ZNF845: variants seen among roughly 807,000 people sequenced by gnomAD.
ZNF845 encodes zinc finger protein 845.
Under a neutral mutation model 76.1 loss-of-function variants are expected in ZNF845, and 59 were observed. The observed-to-expected ratio is 0.78, with a 90% CI of 0.63 to 0.96. The LOEUF (loss-of-function observed/expected upper bound fraction) is 0.96. ZNF845 is among the 40% of genes least tolerant of loss of function. The probability of loss-of-function intolerance (pLI) is 0.00; values close to 1 mark genes in which losing one functional copy is unlikely to be tolerated. For missense variants in ZNF845, 1,045 were observed against 1,172.8 expected (o/e 0.89, Z 1.59); for synonymous variants, 361 against 386.9 (o/e 0.93, Z 0.78).
Position 53,354,349 on chromosome 19 carries a change from A to T in ZNF845, c.*761A>T, listed in dbSNP as rs144243733. ...TTGAATTGACTTAACATTGAGTTCA[A>T]GCATTAATTGACATTAAAGTGTTTA... On this transcript the variant is annotated 3_prime_UTR_variant, in exon 4 of 4. Transcript: ENST00000458035. 959 of 359,860 alleles carry T rather than the reference A, an allele frequency of 2.7e-3. 7 individuals are homozygous for T. Among genetic ancestry groups the T allele is most frequent in the African/African-American group, 0.019 (887 of 45,566 alleles). The allele number at this position is 359,860 out of a possible 1,614,324, so 22.3% of individuals were successfully genotyped here.
intron 1 of ZNF845, among the ~76,000 whole-genome samples, chr19:53,334,905 T>A (rs2085202846): frequency 6.6e-6 from 1 of 152,164 alleles, no homozygotes; most frequent in Admixed American, 6.5e-5. Context: ...GCAGAGCCTG[T>A]CTCAAAAGAT....
chr19:53,350,844 G>A lies in ZNF845; in HGVS notation c.169G>A (p.Glu57Lys). 6.2e-7 allele frequency: 1 copy of A among 1,613,764 alleles called. No homozygotes were observed. The highest frequency in any genetic ancestry group is 8.5e-7 in the Non-Finnish European group (1 of 1,179,860). Residue 57 changes from glutamate to lysine, a missense_variant, in exon 4 of 4, where the codon GAG becomes AAG. Physicochemically the swap from Glu to Lys is moderately conservative, Grantham distance 56. Coordinates refer to ENST00000458035, the MANE Select transcript of ZNF845 (RefSeq NM_138374.3). ...TATCTCTTCCAAATGCATGATGAAGGAGTTCTCATCAACAGCACAAGGCAA... is the reference window on the plus strand; with the variant it reads ...TATCTCTTCCAAATGCATGATGAAGAAGTTCTCATCAACAGCACAAGGCAA... ...LDISSKCMMK[E>K]FSSTAQGNTE...
At chr19:53,338,100 A>G (rs1215303262) in intron 1 of ZNF845, among the ~76,000 whole-genome samples, 1 of 151,996 alleles carries the variant, frequency 6.6e-6, no homozygotes, top group Non-Finnish European at 1.5e-5. Flanking sequence ...TGCAGCACCT[A>G]CTCTGGGGTT....
At chr19:53,345,102 G>C (rs941098448) in intron 2 of ZNF845, among the ~76,000 whole-genome samples, 2 of 152,138 alleles carry the variant, frequency 1.3e-5, no homozygotes, top group African/African-American at 4.8e-5. Flanking sequence ...TGGATCACGA[G>C]GTCAGGAGTT....
chr19:53,341,331 A>T lies in ZNF845; in HGVS notation c.15+9A>T, dbSNP rs766974960. On this transcript the variant is annotated intron_variant, in intron 2 of 3. Coordinates refer to ENST00000458035, the MANE Select transcript of ZNF845 (RefSeq NM_138374.3). ...GGATGGCTCTTTCTCAGGTGAGATG[A>T]TATGTTGGGTGGATTGTTCTGTCTC... 8 of 1,613,736 alleles carry T rather than the reference A, an allele frequency of 5.0e-6. No individual in the cohort carries two copies. The East Asian group carries it at 1.8e-4, about 36-fold the overall frequency.
intron 1 of ZNF845, among the ~76,000 whole-genome samples, chr19:53,339,726 G>A (rs2085242961): frequency 6.6e-6 from 1 of 152,178 alleles, no homozygotes; most frequent in Non-Finnish European, 1.5e-5. Context: ...CCCCAGAGGG[G>A]ACATACTAGT....
Position 53,352,529 on chromosome 19 carries a change from T to C in ZNF845, c.1854T>C (p.His618=), listed in dbSNP as rs1427366811. Residue 618 remains histidine (H), a synonymous_variant, in exon 4 of 4, where the codon CAT becomes CAC. Coordinates refer to ENST00000458035, the MANE Select transcript of ZNF845 (RefSeq NM_138374.3). ...ATAGATGTGGCAAATTTTTCAGACA[T>C]CGTTCATACCTTGCAGTTCATTGGC... ...KCNRCGKFFR[H]RSYLAVHWRT... The C allele has an allele frequency of 2.6e-5, 41 of 1,606,854 alleles. No individual in the cohort carries two copies. Among genetic ancestry groups the C allele is most frequent in the Non-Finnish European group, 3.5e-5 (41 of 1,176,372 alleles).
intron 2 of ZNF845, among the ~76,000 whole-genome samples, chr19:53,342,082 C>T (rs1443894045): frequency 6.6e-6 from 1 of 151,396 alleles, no homozygotes; most frequent in Non-Finnish European, 1.5e-5. Flanking sequence ...GCCATATTCT[C>T]ATTCCACCTA....
intron 1 of ZNF845, chr19:53,337,036 A>G (rs2085220113): frequency 2.2e-6 from 1 of 451,900 alleles, no homozygotes; most frequent in Non-Finnish European, 4.4e-6. Context: ...TTGAAAGCCC[A>G]ACTCCTCACT....
chr19:53,349,915 A>C (rs1159929745), intron 3 of ZNF845, among the ~76,000 whole-genome samples: 1 of 151,982 alleles, frequency 6.6e-6, no homozygotes, highest in Non-Finnish European at 1.5e-5. Flanking sequence ...CATGCCTTTA[A>C]TCCCAGCTAC....
chr19:53,348,960 G>A (rs909172239), intron 3 of ZNF845, among the ~76,000 whole-genome samples: 10 of 144,112 alleles, frequency 6.9e-5, no homozygotes, highest in African/African-American at 1.3e-4. Context: ...GGGTTCAAAC[G>A]ATTCTCCTGC....
In ZNF845 at chr19:53,351,247, A is replaced by C; in HGVS notation, c.572A>C (p.Asn191Thr). The C allele has an allele frequency of 1.2e-6, 2 of 1,614,244 alleles. No homozygotes were observed. Among genetic ancestry groups the C allele is most frequent in the Non-Finnish European group, 1.7e-6 (2 of 1,180,044 alleles). The change falls in exon 4 of 4, where the codon AAC becomes ACC. Residue 191 changes from asparagine to threonine, a missense_variant. Physicochemically the swap from Asn to Thr is moderately conservative, Grantham distance 65. Transcript: ENST00000458035. Reference protein sequence around the residue: ...SCRPKTHISKNYGNNFLNSSL... With the variant: ...SCRPKTHISKTYGNNFLNSSL... Reference sequence around the variant, plus strand: ...AGGCCTAAAACCCACATTTCTAAGAACTATGGGAATAATTTCCTGAATTCT... The same window carrying C: ...AGGCCTAAAACCCACATTTCTAAGACCTATGGGAATAATTTCCTGAATTCT...
Position 53,355,537 on chromosome 19 carries a change from C to T in ZNF845, c.*1949C>T, listed in dbSNP as rs757492686. The T allele has an allele frequency of 3.9e-5, 6 of 152,086 alleles. No homozygotes were observed. The highest frequency in any genetic ancestry group is 2.1e-4 in the South Asian group (1 of 4,814). The allele number at this position is 152,086 out of a possible 1,614,324, so 9.4% of individuals were successfully genotyped here. A position where few individuals can be genotyped will look rare whatever the true frequency, so the allele number is the denominator to read the frequency against. On this transcript the variant is annotated 3_prime_UTR_variant, in exon 4 of 4. Transcript: ENST00000458035. Reference sequence around the variant, plus strand: ...TGTTAGATCGCCTAACCTCATTATCCGCCCACTTCGGACTTGCAAATTGCT... The same window carrying T: ...TGTTAGATCGCCTAACCTCATTATCTGCCCACTTCGGACTTGCAAATTGCT...
At chr19:53,337,237 C>A in intron 1 of ZNF845, 1 of 449,136 alleles carries the variant, frequency 2.2e-6, no homozygotes, top group Non-Finnish European at 4.5e-6. Context: ...CGGCCCTGTG[C>A]CTTTCTTCTC....
Position 53,350,741 on chromosome 19 carries a change from A to C in ZNF845, c.143-77A>C, listed in dbSNP as rs575369293. On this transcript the variant is annotated intron_variant, in intron 3 of 3. Transcript: ENST00000458035. ...GAAGTTTAAAATAAGTATTGTTTTT[A>C]GTGTCACATTTACACATTTCAGTAT... 4 of 1,507,744 alleles carry C rather than the reference A, an allele frequency of 2.7e-6. No homozygotes were observed. In the East Asian group the frequency reaches 6.8e-5, roughly 26 times the overall value. 93.4% of individuals were successfully genotyped at this position (1,507,744 alleles called of 1,614,324 possible). A position where few individuals can be genotyped will look rare whatever the true frequency, so the allele number is the denominator to read the frequency against.
Position 53,352,372 on chromosome 19 carries a change from T to C in ZNF845, c.1697T>C (p.Leu566Pro), listed in dbSNP as rs1394975022. The C allele has an allele frequency of 6.2e-7, 1 of 1,613,788 alleles. No homozygotes were observed. Among genetic ancestry groups the C allele is most frequent in the Admixed American group, 1.7e-5 (1 of 60,012 alleles). The change falls in exon 4 of 4, where the codon CTT becomes CCT. Residue 566 changes from leucine (L) to proline (P), a missense_variant. By Grantham distance (98) the Leu-to-Pro change is moderately conservative (BLOSUM62 -3). Coordinates refer to ENST00000458035, the MANE Select transcript of ZNF845 (RefSeq NM_138374.3). ...AAAGCCTTTCGTGGGCAGTCAGCAC[T>C]TATTTACCATCAAGCAATCCATGGT... ...CGKAFRGQSA[L>P]IYHQAIHGIG... is the part of the protein sequence containing the mutation.
At chr19:53,344,603 T>A (rs371704312) in intron 2 of ZNF845, among the ~76,000 whole-genome samples, 2 of 114,042 alleles carry the variant, frequency 1.8e-5, no homozygotes, top group Admixed American at 9.7e-5. Context: ...TATTTTATTT[T>A]ATTTATTTTA....
intron 2 of ZNF845, among the ~76,000 whole-genome samples, chr19:53,343,911 T>A (rs2085274899): frequency 6.6e-6 from 1 of 151,956 alleles, no homozygotes; most frequent in African/African-American, 2.4e-5. Flanking sequence ...ACCTCCACCC[T>A]CAGGCTCAAA....
chr19:53,353,762 A>T lies in ZNF845; in HGVS notation c.*174A>T. 1 of 1,522,816 alleles carries T rather than the reference A, an allele frequency of 6.6e-7. No homozygotes were observed. The highest frequency in any genetic ancestry group is 8.8e-7 in the Non-Finnish European group (1 of 1,139,228). 94.3% of individuals were successfully genotyped at this position (1,522,816 alleles called of 1,614,324 possible). On this transcript the variant is annotated 3_prime_UTR_variant, in exon 4 of 4. Coordinates refer to ENST00000458035, the MANE Select transcript of ZNF845 (RefSeq NM_138374.3). ...CACTGGAGAGAAACCTTACAAGTGT[A>T]CTGAGTGTGGCAAAGCCTTTAGTGG...
Sources: gnomAD v4.1 joint callset for allele counts (sites outside exome capture counted in the v4.1 genomes callset) on GRCh38, gnomAD v4.1.1 for gene constraint, MANE v1.5 for transcripts, NCBI Gene and HGNC (gene_info 2026-07-23, HGNC 2026-07-21) for gene names.